Variants in GARS1 observed in about 807,000 individuals in gnomAD.
GARS1 encodes glycyl-tRNA synthetase 1.
A neutral mutation model predicts 86.4 loss-of-function variants in GARS1; 46 were observed. The ratio of observed to expected loss-of-function variants is 0.53; its 90% CI spans 0.42 to 0.68. The LOEUF is 0.68. Ranked by LOEUF, GARS1 falls within the 30% of genes least tolerant of loss-of-function variation. The probability of loss-of-function intolerance (pLI) is 0.00; values close to 1 mark genes in which losing one functional copy is unlikely to be tolerated. For synonymous variants in GARS1, 342 were observed against 329.8 expected, an observed-to-expected ratio of 1.04 and a Z score of -0.40; for missense variants, 797 against 915.6, an observed-to-expected ratio of 0.87 and a Z score of 1.67.
intron 8 of GARS1, among the ~76,000 whole-genome samples, chr7:30,613,390 T>C (rs930906834): frequency 3.3e-5 from 5 of 152,236 alleles, no homozygotes; most frequent in African/African-American, 9.6e-5. Flanking sequence ...CTTTGTTTTA[T>C]TTCCCAGTGT....
At chr7:30,623,017 C>T (rs1472862739) in intron 12 of GARS1, among the ~76,000 whole-genome samples, 1 of 150,538 alleles carries the variant, frequency 6.6e-6, no homozygotes, top group Non-Finnish European at 1.5e-5. Context: ...AGGAGAATGG[C>T]GTGAACCTGG....
intron 3 of GARS1, among the ~76,000 whole-genome samples, chr7:30,600,421 C>T (rs957562885): frequency 2.0e-5 from 3 of 152,190 alleles, no homozygotes; most frequent in Admixed American, 6.5e-5. Flanking sequence ...AGTGATAAAA[C>T]AGTCCTTAGA....
intron 7 of GARS1, among the ~76,000 whole-genome samples, chr7:30,611,372 A>C (rs2128133919): frequency 6.6e-6 from 1 of 152,338 alleles, no homozygotes; most frequent in Admixed American, 6.5e-5. Flanking sequence ...ACAGGGCTAA[A>C]CATAGGCATG....
chr7:30,624,855 T>C (rs1471656385), intron 12 of GARS1, among the ~76,000 whole-genome samples: 1 of 152,268 alleles, frequency 6.6e-6, no homozygotes, highest in Non-Finnish European at 1.5e-5. Flanking sequence ...TAAAATGGAC[T>C]AAGTTATATT....
intron 7 of GARS1, among the ~76,000 whole-genome samples, chr7:30,610,041 T>C (rs1476894548): frequency 6.6e-6 from 1 of 152,214 alleles, no homozygotes; most frequent in East Asian, 1.9e-4. Flanking sequence ...GTTGAACTTA[T>C]TGCTGAAGGA....
Position 30,633,898 on chromosome 7 carries a change from A to G in GARS1, c.*38A>G. On this transcript the variant is annotated 3_prime_UTR_variant, in exon 17 of 17. Transcript: ENST00000389266. The stretch of plus-strand genomic sequence containing the variant: ...CAACTTTTGACCACTTGCGCTAATA[A>G]AAAAAAAAAAAAACTACTCTTATGT... The G allele has an allele frequency of 3.4e-6, 2 of 582,074 alleles. No homozygotes were observed. Among genetic ancestry groups the G allele is most frequent in the Non-Finnish European group, 4.5e-6 (2 of 440,176 alleles). The allele number at this position is 582,074 out of a possible 1,614,324, so 36.1% of individuals were successfully genotyped here.
chr7:30,633,868 T>C lies in GARS1; in HGVS notation c.*8T>C. The stretch of plus-strand genomic sequence containing the variant: ...GAGACAATCGAGGAATGAGGACAAT[T>C]TTGACAACTTTTGACCACTTGCGCT... On this transcript the variant is annotated 3_prime_UTR_variant, in exon 17 of 17. Coordinates refer to ENST00000389266, the MANE Select transcript of GARS1 (RefSeq NM_002047.4). 1 of 1,609,164 alleles carries C rather than the reference T, an allele frequency of 6.2e-7. No homozygotes were observed. The highest frequency in any genetic ancestry group is 2.2e-5 in the East Asian group (1 of 44,636).
chr7:30,633,765 C>G lies in GARS1; in HGVS notation c.2125C>G (p.Leu709Val). 1 of 1,614,036 alleles carries G rather than the reference C, an allele frequency of 6.2e-7. No homozygotes were observed. The highest frequency in any genetic ancestry group is 8.5e-7 in the Non-Finnish European group (1 of 1,179,972). ...ISELPSIVQDLANGNITWADV... is the reference protein window; with the variant it reads ...ISELPSIVQDVANGNITWADV... The stretch of plus-strand genomic sequence containing the variant: ...TGAGCTGCCCAGCATAGTCCAAGAC[C>G]TAGCCAATGGCAACATCACATGGGC... The change falls in exon 17 of 17, where the codon CTA becomes GTA. Residue 709 changes from leucine to valine, a missense_variant. Leu to Val is a conservative substitution (Grantham distance 32). Transcript: ENST00000389266.
intron 16 of GARS1, 151 bp from the exon 17 acceptor site, chr7:30,633,584 C>CTGGT: frequency 1.2e-6 from 1 of 845,334 alleles, no homozygotes; most frequent in South Asian, 1.4e-5. Context: ...TCTGGGGGAA[C>CTGGT]TGGTGGGCGT....
At chr7:30,598,925 C>T (rs1257591062) in intron 2 of GARS1, 28 bp downstream of exon 2, 6 of 1,519,822 alleles carry the variant, frequency 3.9e-6, no homozygotes, top group Non-Finnish European at 5.5e-6. Flanking sequence ...AAAATAGGAA[C>T]ATAAGTAGGT....
At chr7:30,600,959 A>G in intron 3 of GARS1, 100 bp from the exon 4 acceptor site, 3 of 1,082,198 alleles carry the variant, frequency 2.8e-6, no homozygotes, top group Non-Finnish European at 4.3e-6. Flanking sequence ...TGACTTGAAT[A>G]CACTTTTAGG....
At position 30,600,019 on chromosome 7, in the gene GARS1, T is replaced by C. The variant is rs1791341341; in HGVS notation, c.397T>C (p.Phe133Leu). Residue 133 changes from phenylalanine to leucine, a missense_variant, in exon 3 of 17, where the codon TTC becomes CTC. Transcript: ENST00000389266. ...GGAAGATACCCTGAAGAGGAGGTTTTTCTATGATCAAGCTTTTGCTATTTA... is the reference window on the plus strand; with the variant it reads ...GGAAGATACCCTGAAGAGGAGGTTTCTCTATGATCAAGCTTTTGCTATTTA... Reference protein sequence around the residue: ...KMEDTLKRRFFYDQAFAIYGG... With the variant: ...KMEDTLKRRFLYDQAFAIYGG... 1 of 1,613,856 alleles carries C rather than the reference T, an allele frequency of 6.2e-7. No homozygotes were observed. The highest frequency in any genetic ancestry group is 8.5e-7 in the Non-Finnish European group (1 of 1,179,842).
Position 30,632,188 on chromosome 7 carries a change from A to G in GARS1, c.1904-59A>G. 1 of 1,535,680 alleles carries G rather than the reference A, an allele frequency of 6.5e-7. No homozygotes were observed. The highest frequency in any genetic ancestry group is 8.9e-7 in the Non-Finnish European group (1 of 1,117,350). ...CCTGAGCTTGTAAGACAGTAGTTAG[A>G]TAACACTGGGCTTAACTCCATTGTT... is the stretch of plus-strand genomic sequence containing the variant. On this transcript the variant is annotated intron_variant, in intron 15 of 16. Transcript: ENST00000389266. This position sits in a 1 kb window ranked among gnomAD's most constrained non-coding sequence, Gnocchi z 4.1.
chr7:30,614,738 T>G (rs575510920), intron 8 of GARS1, among the ~76,000 whole-genome samples: 22 of 151,494 alleles, frequency 1.5e-4, no homozygotes, highest in African/African-American at 5.3e-4. Context: ...TAGCCGGGCG[T>G]GGTGGCGGGC....
In GARS1 at chr7:30,628,575, C is replaced by T. The variant is rs764238525; in HGVS notation, c.1715C>T (p.Pro572Leu). ...TCTTTTTCAGTGGAAGAAGTTGTTC[C>T]GAATGTAATTGAACCTTCCTTCGGC... ...QKTLYVEEVV[P>L]NVIEPSFGLG... Residue 572 changes from proline (P) to leucine (L), a missense_variant, in exon 14 of 17, where the codon CCG becomes CTG. Pro to Leu is a moderately conservative substitution (Grantham distance 98). This residue lies in a region of GARS1 where 598 missense variants were observed against 738.7 expected (regional missense o/e 0.81). Coordinates refer to ENST00000389266, the MANE Select transcript of GARS1 (RefSeq NM_002047.4). 82 of 1,610,322 alleles carry T rather than the reference C, an allele frequency of 5.1e-5. No individual in the cohort carries two copies. Among genetic ancestry groups the T allele is most frequent in the Non-Finnish European group, 6.5e-5 (77 of 1,176,916 alleles).
intron 6 of GARS1, among the ~76,000 whole-genome samples, chr7:30,607,789 T>C (rs1481280278): frequency 6.6e-6 from 1 of 152,208 alleles, no homozygotes; most frequent in Non-Finnish European, 1.5e-5. Context: ...GTCTACTATC[T>C]TTCTCTTCCC....
At chr7:30,616,142 A>G (rs1782886161) in intron 9 of GARS1, 84 bp downstream of exon 9, 1 of 1,453,814 alleles carries the variant, frequency 6.9e-7, no homozygotes, top group Admixed American at 1.7e-5. Context: ...TCTGGGTGAC[A>G]AGATATTTTA....
chr7:30,626,531 G>A (rs1783131334), intron 13 of GARS1, among the ~76,000 whole-genome samples: 1 of 152,130 alleles, frequency 6.6e-6, no homozygotes, highest in Admixed American at 6.5e-5. Flanking sequence ...TGTATTTTTT[G>A]TAGAGATGAG....
chr7:30,594,772 G>A, upstream of GARS1: 3 of 654,420 alleles, frequency 4.6e-6, no homozygotes, highest in Non-Finnish European at 7.7e-6. Flanking sequence ...TCGAATCTGC[G>A]GCGGCGACCC....
Sources: gnomAD v4.1 joint callset for allele counts (sites outside exome capture counted in the v4.1 genomes callset) on GRCh38, gnomAD v4.1.1 for gene constraint, gnomAD v4.1.1 regional missense constraint, Gnocchi (gnomAD v3.1) non-coding constraint, MANE v1.5 for transcripts, NCBI Gene and HGNC (gene_info 2026-07-23, HGNC 2026-07-21) for gene names.